SAMD11: variants seen among roughly 807,000 people sequenced by gnomAD.
SAMD11 encodes sterile alpha motif domain-containing protein 11.
In SAMD11, 77 loss-of-function variants were observed where a neutral mutation model predicts 64.4. The ratio of observed to expected loss-of-function variants is 1.20; its 90% CI spans 0.99 to 1.44. The LOEUF is 1.44. SAMD11 is among the 40% of genes most tolerant of loss of function. The probability of loss-of-function intolerance (pLI) is 0.00; values close to 1 mark genes in which losing one functional copy is unlikely to be tolerated. For missense variants in SAMD11, 1,402 were observed against 943.3 expected, an observed-to-expected ratio of 1.49 and a Z score of -6.37; for synonymous variants, 658 against 421.9, an observed-to-expected ratio of 1.56 and a Z score of -6.86.
Position 942,139 on chromosome 1 carries a change from G to T in SAMD11, c.1362G>T (p.Glu454Asp). Reference sequence around the variant, plus strand: ...CTCATTGCGCTGCCGTCCACAGGGAGCTGCCTCAGCCGCCCCCCTTGCTGT... The same window carrying T: ...CTCATTGCGCTGCCGTCCACAGGGATCTGCCTCAGCCGCCCCCCTTGCTGT... ...PAAAPSFSERELPQPPPLLSP... is the reference protein window; with the variant it reads ...PAAAPSFSERDLPQPPPLLSP... The change falls in exon 9 of 14, where the codon GAG becomes GAT. Residue 454 changes from glutamate to aspartate, a missense_variant. Physicochemically the swap from Glu to Asp is conservative, Grantham distance 45. Coordinates refer to ENST00000616016, the MANE Select transcript of SAMD11 (RefSeq NM_001385641.1). 7.4e-7 allele frequency: 1 copy of T among 1,352,308 alleles called. No individual in the cohort carries two copies. The highest frequency in any genetic ancestry group is 9.9e-7 in the Non-Finnish European group (1 of 1,012,204). The allele number at this position is 1,352,308 out of a possible 1,614,324, so 83.8% of individuals were successfully genotyped here.
In SAMD11 at chr1:933,992, TGCGTTACAGGTGGGCAGGGGAGGCG is replaced by T. The variant is rs1557603530; in HGVS notation, c.843-1777_843-1753del. Among the ~76,000 whole-genome samples the T allele has an allele frequency of 2.4e-4, 35 of 147,256 alleles. 14 individuals are homozygous for T. Among genetic ancestry groups the T allele is most frequent in the African/African-American group, 4.2e-4 (16 of 38,226 alleles). On this transcript the variant is annotated intron_variant, in intron 4 of 13. Coordinates refer to ENST00000616016, the MANE Select transcript of SAMD11 (RefSeq NM_001385641.1). ...GTTACAGGTGGGCAGGGGAGGCGGC[TGCGTTACAGGTGGGCAGGGGAGGCG>T]GCTGCGTTACAGGTGGGCAGGGGAG...
At position 943,948 on chromosome 1, in the gene SAMD11, T is replaced by C; in HGVS notation, c.2330T>C (p.Phe777Ser). The C allele has an allele frequency of 6.2e-7, 1 of 1,612,584 alleles. No individual in the cohort carries two copies. ...GGCCGAGTTTTCTACGTGGCCAGCTTCCCCGTGGCTCTGCCACTGCAGCCA... is the reference window on the plus strand; with the variant it reads ...GGCCGAGTTTTCTACGTGGCCAGCTCCCCCGTGGCTCTGCCACTGCAGCCA... ...RLGRVFYVAS[F>S]PVALPLQPPT... The change falls in exon 14 of 14, where the codon TTC becomes TCC. Residue 777 changes from phenylalanine (F) to serine (S), a missense_variant. Transcript: ENST00000616016.
rs575788638 is a variant in SAMD11 at position 932,392 on chromosome 1, G to A, written c.842+1303G>A. Among the ~76,000 whole-genome samples, 468 of 152,306 alleles carry A rather than the reference G, an allele frequency of 3.1e-3. 5 individuals are homozygous for A. Among genetic ancestry groups the A allele is most frequent in the African/African-American group, 0.011 (450 of 41,558 alleles). On this transcript the variant is annotated intron_variant, in intron 4 of 13. Coordinates refer to ENST00000616016, the MANE Select transcript of SAMD11 (RefSeq NM_001385641.1). Reference sequence around the variant, plus strand: ...CTGGGGTGCCCTAGGAAGAGGCCAGGTCTTCCATCCTGCACGGGCCCTAGA... The same window carrying A: ...CTGGGGTGCCCTAGGAAGAGGCCAGATCTTCCATCCTGCACGGGCCCTAGA...
chr1:944,274 G>T lies in SAMD11; in HGVS notation c.*121G>T. 1.4e-6 allele frequency: 2 copies of T among 1,442,530 alleles called. No homozygotes were observed. Among genetic ancestry groups the T allele is most frequent in the Non-Finnish European group, 1.8e-6 (2 of 1,100,150 alleles). The allele number at this position is 1,442,530 out of a possible 1,614,324, so 89.4% of individuals were successfully genotyped here. On this transcript the variant is annotated 3_prime_UTR_variant, in exon 14 of 14. Coordinates refer to ENST00000616016, the MANE Select transcript of SAMD11 (RefSeq NM_001385641.1). ...GGATGCAAAACAAAAAATTTTAAAAGAAAATGTGACTTCAAAGGAAAGGAA... is the reference window on the plus strand; with the variant it reads ...GGATGCAAAACAAAAAATTTTAAAATAAAATGTGACTTCAAAGGAAAGGAA...
Position 942,916 on chromosome 1 carries a change from C to T in SAMD11, c.1911C>T (p.Pro637=), listed in dbSNP as rs72902601. 25 of 1,555,498 alleles carry T rather than the reference C, an allele frequency of 1.6e-5. No individual in the cohort carries two copies. Among genetic ancestry groups the T allele is most frequent in the Middle Eastern group, 1.7e-4 (1 of 5,994 alleles). Residue 637 remains proline, a synonymous_variant, in exon 11 of 14, where the codon CCC becomes CCT. Coordinates refer to ENST00000616016, the MANE Select transcript of SAMD11 (RefSeq NM_001385641.1). ...CCAAAGACTCGGACGGAGAGGACCC[C>T]GAGACGGCAGCTGTTGGGTGCAGGG... is the stretch of plus-strand genomic sequence containing the variant. The part of the protein sequence containing the change: ...EPPKDSDGED[P]ETAAVGCRGP...
At chr1:937,207 G>T (rs952501114) in intron 5 of SAMD11, among the ~76,000 whole-genome samples, 4 of 152,112 alleles carry the variant, frequency 2.6e-5, no homozygotes, top group Non-Finnish European at 5.9e-5. Flanking sequence ...GTGACCCCAG[G>T]AACCACACAT....
Position 924,867 on chromosome 1 carries a change from G to C in SAMD11, c.436G>C (p.Glu146Gln), listed in dbSNP as rs1038283907. ...SKGPSIRHRG[E>Q]WLTPNEFQFV... Reference sequence around the variant, plus strand: ...GGGCCCGTCCATCCGCCACCGCGGCGAGTGGCTCACGCCCAACGAGTTCCA... The same window carrying C: ...GGGCCCGTCCATCCGCCACCGCGGCCAGTGGCTCACGCCCAACGAGTTCCA... The change falls in exon 1 of 14, where the codon GAG becomes CAG. Residue 146 changes from glutamate to glutamine, a missense_variant. By Grantham distance (29) the Glu-to-Gln change is conservative. Coordinates refer to ENST00000616016, the MANE Select transcript of SAMD11 (RefSeq NM_001385641.1). The C allele has an allele frequency of 6.6e-6, 1 of 152,256 alleles. No individual in the cohort carries two copies. The highest frequency in any genetic ancestry group is 2.4e-5 in the African/African-American group (1 of 41,458). The allele number at this position is 152,256 out of a possible 1,614,324, so 9.4% of individuals were successfully genotyped here. A position where few individuals can be genotyped will look rare whatever the true frequency, so the allele number is the denominator to read the frequency against.
At chr1:926,069 C>T in intron 2 of SAMD11, 56 bp downstream of exon 2, 2 of 1,548,444 alleles carry the variant, frequency 1.3e-6, no homozygotes. Context: ...GGAGCTTGTC[C>T]CTGCGGTTTT....
chr1:939,053 C>G lies in SAMD11; in HGVS notation c.981C>G (p.Gly327=), dbSNP rs1472808637. 2 of 1,602,698 alleles carry G rather than the reference C, an allele frequency of 1.2e-6. No homozygotes were observed. The highest frequency in any genetic ancestry group is 2.7e-5 in the African/African-American group (2 of 74,826). The part of the protein sequence containing the change: ...IGLRPAGDLL[G]KRLGRSPRIS... ...ACCCTCCCGCAGGTGACCTGTTGGGCAAGAGGCTGGGCCGCTCCCCCCGTA... is the reference window on the plus strand; with the variant it reads ...ACCCTCCCGCAGGTGACCTGTTGGGGAAGAGGCTGGGCCGCTCCCCCCGTA... Residue 327 remains glycine (G), a synonymous_variant, in exon 6 of 14, where the codon GGC becomes GGG. Coordinates refer to ENST00000616016, the MANE Select transcript of SAMD11 (RefSeq NM_001385641.1).
rs879056967 is a variant in SAMD11, at chr1:943,373, C to G, written c.2174C>G (p.Thr725Ser). 2 of 1,553,280 alleles carry G rather than the reference C, an allele frequency of 1.3e-6. No individual in the cohort carries two copies. Among genetic ancestry groups the G allele is most frequent in the African/African-American group, 2.7e-5 (2 of 72,962 alleles). The change falls in exon 12 of 14, where the codon ACT becomes AGT. Residue 725 changes from threonine (T) to serine (S), a missense_variant. Transcript: ENST00000616016. ...VGGLSGCGEY[T>S]RVFREQGIDG... ...GGCCTGTCTGGCTGTGGAGAGTACA[C>G]TCGGGTAAGGGGGGGCCCCAGTTCC...
At chr1:928,661 C>T (rs1641024438) in intron 2 of SAMD11, among the ~76,000 whole-genome samples, 1 of 152,270 alleles carries the variant, frequency 6.6e-6, no homozygotes. Flanking sequence ...GCCTCGGACC[C>T]CAGGCCCCAC....
At chr1:941,897 C>A (rs896623709) in intron 8 of SAMD11, among the ~76,000 whole-genome samples, 1 of 152,060 alleles carries the variant, frequency 6.6e-6, no homozygotes. Flanking sequence ...GGCCGGCGCC[C>A]CGCGCAGTAA....
chr1:940,288 GCGC>G (rs1447333637), intron 7 of SAMD11: 1 of 98,900 alleles, frequency 1.0e-5, no homozygotes, highest in African/African-American at 3.7e-5. Context: ...CAATCAGGCC[GCGC>G]CGCCGCCCCC....
At chr1:937,553 G>T (rs1641524279) in intron 5 of SAMD11, among the ~76,000 whole-genome samples, 1 of 152,204 alleles carries the variant, frequency 6.6e-6, no homozygotes, top group African/African-American at 2.4e-5. Context: ...TGGGCCAGGT[G>T]GCAGGTGTGG....
chr1:926,367 C>T (rs1207252076), intron 2 of SAMD11, among the ~76,000 whole-genome samples: 1 of 152,220 alleles, frequency 6.6e-6, no homozygotes, highest in African/African-American at 2.4e-5. Flanking sequence ...TGCCCTGTCA[C>T]CGCTTGGGGG....
Position 941,176 on chromosome 1 carries a change from G to A in SAMD11, c.1228G>A (p.Ala410Thr), listed in dbSNP as rs1449455510. Residue 410 changes from alanine to threonine, a missense_variant, in exon 8 of 14, where the codon GCA becomes ACA. Physicochemically the swap from Ala to Thr is moderately conservative, Grantham distance 58 (BLOSUM62 0). Transcript: ENST00000616016. ...LLRVRQEVAA[A>T]ALRGPSGLEA... is the part of the protein sequence containing the mutation. ...GAGGGTCCGGCAGGAGGTGGCGGCT[G>A]CAGCTCTGAGGGGCCCCAGTGGCCT... The A allele has an allele frequency of 4.4e-6, 7 of 1,602,084 alleles. No individual in the cohort carries two copies. The highest frequency in any genetic ancestry group is 1.1e-5 in the South Asian group (1 of 89,248).
At chr1:925,838 C>G (rs949635841) in intron 1 of SAMD11, 84 bp from the exon 2 acceptor site, 1 of 968,908 alleles carries the variant, frequency 1.0e-6, no homozygotes, top group Non-Finnish European at 1.6e-6. Flanking sequence ...GTCCACGAGC[C>G]GGGGAGGGGG....
rs1248787817 is a variant in SAMD11, at chr1:924,152, G to GGGAGCCCCGA, written c.-277_-268dup. 1 of 149,650 alleles carries GGGAGCCCCGA rather than the reference G, an allele frequency of 6.7e-6. No individual in the cohort carries two copies. The highest frequency in any genetic ancestry group is 1.5e-5 in the Non-Finnish European group (1 of 67,034). The allele number at this position is 149,650 out of a possible 1,614,324, so 9.3% of individuals were successfully genotyped here. On this transcript the variant is annotated 5_prime_UTR_variant, in exon 1 of 14. Coordinates refer to ENST00000616016, the MANE Select transcript of SAMD11 (RefSeq NM_001385641.1). The stretch of plus-strand genomic sequence containing the variant: ...GGGGCGCGGGACTCCAGACGCCCCG[G>GGGAGCCCCGA]GGAGCCCCGAGGCCCTGGAACTGCG...
chr1:924,550 T>C lies in SAMD11; in HGVS notation c.119T>C (p.Leu40Pro), dbSNP rs1360517798. 6.7e-6 allele frequency: 1 copy of C among 150,362 alleles called. No individual in the cohort carries two copies. The highest frequency in any genetic ancestry group is 2.0e-4 in the East Asian group (1 of 5,090). 9.3% of individuals were successfully genotyped at this position (150,362 alleles called of 1,614,324 possible). ...LPPLPGYLAP[L>P]PAAAALPPAA... ...CCGCTGCCAGGCTACCTGGCGCCAC[T>C]GCCCGCGGCGGCCGCCCTCCCCCCG... The change falls in exon 1 of 14, where the codon CTG becomes CCG. Residue 40 changes from leucine to proline, a missense_variant. Leu to Pro is a moderately conservative substitution (Grantham distance 98). Coordinates refer to ENST00000616016, the MANE Select transcript of SAMD11 (RefSeq NM_001385641.1).
Sources: gnomAD v4.1 joint callset for allele counts (sites outside exome capture counted in the v4.1 genomes callset) on GRCh38, gnomAD v4.1.1 for gene constraint, MANE v1.5 for transcripts, NCBI Gene and HGNC (gene_info 2026-07-23, HGNC 2026-07-21) for gene names.